Variants in GALNT9 observed in about 807,000 individuals in gnomAD.
GALNT9 encodes the protein GalNAc transferase 9.
Under a neutral mutation model 63.1 loss-of-function variants are expected in GALNT9, and 47 were observed. That is an observed-to-expected ratio of 0.75 (90% confidence interval 0.59 to 0.95). The LOEUF is 0.95. Ranked by LOEUF, GALNT9 falls within the 40% of genes least tolerant of loss-of-function variation. GALNT9 has a pLI of 0.00. For missense variants in GALNT9, 829 were observed against 874.8 expected (o/e 0.95, Z 0.66); for synonymous variants, 396 against 365.7 (o/e 1.08, Z -0.94).
At position 132,271,260 on chromosome 12, in the gene GALNT9, C is replaced by T. The variant is rs137896374; in HGVS notation, c.420-8635G>A. On this transcript the variant is annotated intron_variant, in intron 2 of 10. Coordinates refer to ENST00000328957, the MANE Select transcript of GALNT9 (RefSeq NM_001122636.2). ...GCCAGCCGACGAAACTCCAGTCACC[C>T]GTCACTGCCAGGGCTCGAGGGTGGG... Among the ~76,000 whole-genome samples the T allele has an allele frequency of 2.9e-4, 44 of 151,514 alleles. No homozygotes were observed. The East Asian group carries it at 7.5e-3, about 26-fold the overall frequency.
At position 132,246,826 on chromosome 12, in the gene GALNT9, C is replaced by T. The variant is rs1023162343; in HGVS notation, c.1077+1084G>A. 2.0e-5 allele frequency among the ~76,000 whole-genome samples: 3 copies of T among 152,310 alleles called. No homozygotes were observed. Among genetic ancestry groups the T allele is most frequent in the Non-Finnish European group, 2.9e-5 (2 of 68,024 alleles). On this transcript the variant is annotated intron_variant, in intron 6 of 10. Coordinates refer to ENST00000328957, the MANE Select transcript of GALNT9 (RefSeq NM_001122636.2). This position sits in a 1 kb window ranked among gnomAD's most constrained non-coding sequence, Gnocchi z 4.7. The stretch of plus-strand genomic sequence containing the variant: ...GATTACAGGCGTGAGCCTCAGTGCC[C>T]GGCCTCACAGTATTATTTAATCTGC...
At position 132,197,281 on chromosome 12, in the gene GALNT9, C is replaced by T. The variant is rs61742573; in HGVS notation, c.1666-28G>A. The T allele has an allele frequency of 3.9e-3, 6,288 of 1,606,274 alleles. 211 individuals are homozygous for T. The African/African-American group carries it at 0.072, about 18-fold the overall frequency. On this transcript the variant is annotated intron_variant, in intron 10 of 10. Coordinates refer to ENST00000328957, the MANE Select transcript of GALNT9 (RefSeq NM_001122636.2). ...GTGGGGACAGGCACATCAAGTCAGCCAGGTGCAGGCGTCCTTGTTCCCCCT... is the reference window on the plus strand; with the variant it reads ...GTGGGGACAGGCACATCAAGTCAGCTAGGTGCAGGCGTCCTTGTTCCCCCT...
chr12:132,303,983 C>A (rs1881443469), intron 1 of GALNT9, among the ~76,000 whole-genome samples: 1 of 37,058 alleles, frequency 2.7e-5, no homozygotes, highest in Non-Finnish European at 5.0e-5. Context: ...CGGGGCACAC[C>A]CTCACCCAGA....
chr12:132,200,786 G>A, intron 8 of GALNT9: 1 of 255,732 alleles, frequency 3.9e-6, no homozygotes, highest in Non-Finnish European at 7.4e-6. Context: ...ATTGAATCAG[G>A]CATGTGAACA....
Position 132,196,938 on chromosome 12 carries a change from G to A in GALNT9, c.*169C>T. The A allele has an allele frequency of 6.9e-7, 1 of 1,452,200 alleles. No homozygotes were observed. The highest frequency in any genetic ancestry group is 9.0e-7 in the Non-Finnish European group (1 of 1,106,540). The allele number at this position is 1,452,200 out of a possible 1,614,324, so 90.0% of individuals were successfully genotyped here. On this transcript the variant is annotated 3_prime_UTR_variant, in exon 11 of 11. Transcript: ENST00000328957. ...GGAGAAGCTGTACTCCAGATGCAGT[G>A]GGTGACACCCTGGTCACTCAGCCAC...
rs2135533157 is a variant in GALNT9, at chr12:132,245,278, C to T, written c.1077+2632G>A. On this transcript the variant is annotated intron_variant, in intron 6 of 10. Transcript: ENST00000328957. The surrounding 1 kb of genome is among the most constrained non-coding windows in gnomAD (Gnocchi z 6.3). Reference sequence around the variant, plus strand: ...TCAACATGGTGAAACCTCGTCTCTACTAAAAGTACAAAAATTAGCCGGGCA... The same window carrying T: ...TCAACATGGTGAAACCTCGTCTCTATTAAAAGTACAAAAATTAGCCGGGCA... Among the ~76,000 whole-genome samples the T allele has an allele frequency of 6.6e-6, 1 of 152,194 alleles. No individual in the cohort carries two copies. Among genetic ancestry groups the T allele is most frequent in the East Asian group, 1.9e-4 (1 of 5,166 alleles).
At chr12:132,202,361 A>G (rs1318850914) in intron 7 of GALNT9, among the ~76,000 whole-genome samples, 2 of 152,112 alleles carry the variant, frequency 1.3e-5, no homozygotes, top group Admixed American at 6.5e-5. Flanking sequence ...CTCAGACACG[A>G]GTGCACGTGT....
chr12:132,272,071 C>T (rs1456352790), intron 2 of GALNT9, among the ~76,000 whole-genome samples: 4 of 152,128 alleles, frequency 2.6e-5, no homozygotes, highest in Admixed American at 1.3e-4. Context: ...AATGCCGTCA[C>T]GCCCCGCCCG....
chr12:132,289,961 T>C (rs1880745124), intron 1 of GALNT9, among the ~76,000 whole-genome samples: 1 of 152,182 alleles, frequency 6.6e-6, no homozygotes, highest in Non-Finnish European at 1.5e-5. Flanking sequence ...GTGAAGGAAC[T>C]TTTGCTGCCT....
chr12:132,271,960 TG>T (rs1193178964), intron 2 of GALNT9, among the ~76,000 whole-genome samples: 1 of 152,116 alleles, frequency 6.6e-6, no homozygotes, highest in East Asian at 1.9e-4. Context: ...CTCTGACCCT[TG>T]GGGACACGTT....
rs2136897363 is a variant in GALNT9 at position 132,239,682 on chromosome 12, A to G, written c.1077+8228T>C. ...GACAGAGAGAGACAGAGAGACAAAG[A>G]GACAGAGATACAGACAGACTGAGAC... On this transcript the variant is annotated intron_variant, in intron 6 of 10. Transcript: ENST00000328957. 1.2e-3 allele frequency among the ~76,000 whole-genome samples: 183 copies of G among 152,214 alleles called. 2 individuals are homozygous for G. Among genetic ancestry groups the G allele is most frequent in the African/African-American group, 4.1e-3 (170 of 41,524 alleles).
At chr12:132,198,458 G>GGGCC (rs1565979719) in intron 9 of GALNT9, among the ~76,000 whole-genome samples, 22 of 143,332 alleles carry the variant, frequency 1.5e-4, no homozygotes, top group African/African-American at 5.2e-4. Flanking sequence ...GCCTGGGCCT[G>GGGCC]TGCTGCAGGT....
At chr12:132,284,974 C>G (rs782143863) in intron 2 of GALNT9, among the ~76,000 whole-genome samples, 5 of 152,236 alleles carry the variant, frequency 3.3e-5, no homozygotes, top group Non-Finnish European at 7.3e-5. Context: ...CTGGGAACCA[C>G]TGCCTGAGTC....
chr12:132,200,950 CGT>C (rs1213416501), intron 8 of GALNT9, 172 bp downstream of exon 8: 2 of 617,552 alleles, frequency 3.2e-6, no homozygotes, highest in Non-Finnish European at 5.7e-6. Context: ...TGAATGCACA[CGT>C]GTGTGCAGGA....
intron 1 of GALNT9, among the ~76,000 whole-genome samples, chr12:132,289,959 A>T (rs2135565167): frequency 6.6e-6 from 1 of 152,258 alleles, no homozygotes; most frequent in South Asian, 2.1e-4. Context: ...GGGTGAAGGA[A>T]CTTTTGCTGC....
At chr12:132,293,587 C>T (rs1354218980) in intron 1 of GALNT9, among the ~76,000 whole-genome samples, 6 of 152,174 alleles carry the variant, frequency 3.9e-5, no homozygotes, top group Non-Finnish European at 7.3e-5. Context: ...TTGAAATCAC[C>T]AAAGCACAAA....
rs373588395 is a variant in GALNT9 at position 132,304,547 on chromosome 12, G to A, written c.239-18117C>T. Among the ~76,000 whole-genome samples, 4 of 23,124 alleles carry A rather than the reference G, an allele frequency of 1.7e-4. 1 individual carries two copies. The highest frequency in any genetic ancestry group is 4.7e-4 in the African/African-American group (2 of 4,280). 15.2% of individuals were successfully genotyped at this position (23,124 alleles called of 152,430 possible). ...CACACCCTCACCCGGGCACAGAATCGCCCAGACACACCCTCACCGGGGCAC... is the reference window on the plus strand; with the variant it reads ...CACACCCTCACCCGGGCACAGAATCACCCAGACACACCCTCACCGGGGCAC... On this transcript the variant is annotated intron_variant, in intron 1 of 10. Transcript: ENST00000328957.
chr12:132,243,716 C>T (rs1009256940), intron 6 of GALNT9, among the ~76,000 whole-genome samples: 1 of 152,214 alleles, frequency 6.6e-6, no homozygotes, highest in African/African-American at 2.4e-5. Flanking sequence ...CTGAACTCCA[C>T]GTGTCCATCG....
chr12:132,215,865 G>C lies in GALNT9; in HGVS notation c.1078-12175C>G, dbSNP rs1401437572. Among the ~76,000 whole-genome samples the C allele has an allele frequency of 2.6e-5, 4 of 152,110 alleles. No individual in the cohort carries two copies. The South Asian group carries it at 8.3e-4, about 32-fold the overall frequency. On this transcript the variant is annotated intron_variant, in intron 6 of 10. Transcript: ENST00000328957. Reference sequence around the variant, plus strand: ...CCTGACTCACAGCAGGGGATGGAGAGGGGGTGAGGGGGCGGAGAGTAGGGT... The same window carrying C: ...CCTGACTCACAGCAGGGGATGGAGACGGGGTGAGGGGGCGGAGAGTAGGGT...
Sources: gnomAD v4.1 joint callset for allele counts (sites outside exome capture counted in the v4.1 genomes callset) on GRCh38, gnomAD v4.1.1 for gene constraint, Gnocchi (gnomAD v3.1) non-coding constraint, MANE v1.5 for transcripts, NCBI Gene and HGNC (gene_info 2026-07-23, HGNC 2026-07-21) for gene names.